Variants in PARD3B observed in about 807,000 individuals in gnomAD.
The protein encoded by PARD3B is partitioning defective 3 homolog B.
In PARD3B, 103 loss-of-function variants were observed where a neutral mutation model predicts 130.2. The ratio of observed to expected loss-of-function variants is 0.79; its 90% CI spans 0.67 to 0.93. PARD3B has a LOEUF of 0.93. PARD3B is among the 40% of genes least tolerant of loss of function. The pLI, the probability that PARD3B is intolerant of heterozygous loss-of-function variation, is 0.00. For missense variants in PARD3B, 1,609 were observed against 1,499.2 expected (o/e 1.07, Z -1.21); for synonymous variants, 583 against 553.2 (o/e 1.05, Z -0.76).
chr2:204,787,500 T>C (rs1351714700), intron 2 of PARD3B, among the ~76,000 whole-genome samples: 1 of 152,172 alleles, frequency 6.6e-6, no homozygotes, highest in East Asian at 1.9e-4. Flanking sequence ...ACTCAGAGTT[T>C]TATCTAGTCA....
intron 18 of PARD3B, among the ~76,000 whole-genome samples, chr2:205,319,892 A>G (rs1223826043): frequency 1.3e-5 from 2 of 151,966 alleles, no homozygotes; most frequent in Non-Finnish European, 2.9e-5. Context: ...TATTTTGAAA[A>G]ACTCGGCCGG....
intron 2 of PARD3B, among the ~76,000 whole-genome samples, chr2:204,721,550 A>T (rs2038998184): frequency 6.6e-6 from 1 of 152,312 alleles, no homozygotes; most frequent in Non-Finnish European, 1.5e-5. Flanking sequence ...GATATAGATT[A>T]AGAGCCATTT....
At chr2:204,634,783 C>A (rs534026931) in intron 1 of PARD3B, among the ~76,000 whole-genome samples, 1 of 151,980 alleles carries the variant, frequency 6.6e-6, no homozygotes, top group Non-Finnish European at 1.5e-5. Context: ...TTTTCCCCTG[C>A]GATATTAGTG....
intron 3 of PARD3B, among the ~76,000 whole-genome samples, chr2:205,023,432 A>C (rs1037236358): frequency 1.4e-5 from 2 of 145,214 alleles, no homozygotes; most frequent in Admixed American, 6.9e-5. Context: ...CTGGGTTTGC[A>C]TCTTTCTTCA....
At chr2:204,827,036 T>C (rs1227345066) in intron 2 of PARD3B, among the ~76,000 whole-genome samples, 1 of 152,186 alleles carries the variant, frequency 6.6e-6, no homozygotes, top group Non-Finnish European at 1.5e-5. Context: ...AAAAAATCTA[T>C]ATTCTCATAG....
chr2:204,698,742 T>C (rs542316959), intron 2 of PARD3B, among the ~76,000 whole-genome samples: 1 of 152,196 alleles, frequency 6.6e-6, no homozygotes, highest in South Asian at 2.1e-4. Flanking sequence ...AGTGGTTACG[T>C]CAATGCGTGG....
intron 3 of PARD3B, among the ~76,000 whole-genome samples, chr2:205,035,813 A>G (rs1365770688): frequency 6.1e-5 from 1 of 16,520 alleles, no homozygotes; most frequent in Non-Finnish European, 1.1e-4. Context: ...ATATATATAT[A>G]TATATATCTA....
intron 3 of PARD3B, among the ~76,000 whole-genome samples, chr2:204,992,358 TCTCAGGTTTG>T (rs1363186673): frequency 7.6e-6 from 1 of 131,336 alleles, no homozygotes; most frequent in East Asian, 2.1e-4. Context: ...TGCTTGTTTT[TCTCAGGTTTG>T]TCAAAGATCA....
intron 2 of PARD3B, among the ~76,000 whole-genome samples, chr2:204,713,660 T>C (rs778337006): frequency 1.3e-5 from 2 of 152,172 alleles, no homozygotes; most frequent in Non-Finnish European, 2.9e-5. Context: ...TTATATGATG[T>C]TCACCTTTGT....
At chr2:205,559,269 A>G (rs1000523040) in intron 22 of PARD3B, among the ~76,000 whole-genome samples, 2 of 152,038 alleles carry the variant, frequency 1.3e-5, no homozygotes, top group Non-Finnish European at 2.9e-5. Context: ...CTCAGCCTCC[A>G]GAGTAGCTGG....
Position 204,782,961 on chromosome 2 carries a change from T to C in PARD3B, c.222+96679T>C, listed in dbSNP as rs545628741. Reference sequence around the variant, plus strand: ...TGGGTCTTCCAGATCTATTATTCTTTATCACTTTCAAAAGAGTGCTTATTC... The same window carrying C: ...TGGGTCTTCCAGATCTATTATTCTTCATCACTTTCAAAAGAGTGCTTATTC... On this transcript the variant is annotated intron_variant, in intron 2 of 22. Coordinates refer to ENST00000406610, the MANE Select transcript of PARD3B (RefSeq NM_001302769.2). 6.6e-5 allele frequency among the ~76,000 whole-genome samples: 10 copies of C among 152,244 alleles called. 1 individual carries two copies. In the South Asian group the frequency reaches 2.1e-3, roughly 32 times the overall value.
Position 205,258,260 on chromosome 2 carries a change from C to G in PARD3B, c.2185+12438C>G, listed in dbSNP as rs2040172409. Among the ~76,000 whole-genome samples the G allele has an allele frequency of 6.6e-6, 1 of 152,156 alleles. No homozygotes were observed. Among genetic ancestry groups the G allele is most frequent in the Non-Finnish European group, 1.5e-5 (1 of 68,024 alleles). On this transcript the variant is annotated intron_variant, in intron 16 of 22. Coordinates refer to ENST00000406610, the MANE Select transcript of PARD3B (RefSeq NM_001302769.2). This position sits in a 1 kb window ranked among gnomAD's most constrained non-coding sequence, Gnocchi z 4.9. The stretch of plus-strand genomic sequence containing the variant: ...CCCAAAGCCTCACTTTCCACCCTTT[C>G]CCGAGCCACCGTCACCTGGAGAGCT...
intron 15 of PARD3B, among the ~76,000 whole-genome samples, chr2:205,195,795 C>T (rs2036650005): frequency 1.3e-5 from 2 of 150,800 alleles, no homozygotes; most frequent in African/African-American, 4.9e-5. Context: ...CTATTTTTGA[C>T]CTGGAAAACC....
intron 21 of PARD3B, among the ~76,000 whole-genome samples, chr2:205,535,259 C>T (rs1446623412): frequency 6.6e-6 from 1 of 152,196 alleles, no homozygotes; most frequent in Non-Finnish European, 1.5e-5. Context: ...TTAACACACA[C>T]TCCGTCCTTG....
At chr2:204,653,941 A>G (rs1049989422) in intron 1 of PARD3B, among the ~76,000 whole-genome samples, 4 of 151,216 alleles carry the variant, frequency 2.6e-5, no homozygotes, top group Admixed American at 6.6e-5. Flanking sequence ...CCCAGATACA[A>G]ATGTACATTT....
intron 4 of PARD3B, among the ~76,000 whole-genome samples, chr2:205,075,490 C>G (rs1323976996): frequency 6.6e-6 from 1 of 151,640 alleles, no homozygotes; most frequent in Non-Finnish European, 1.5e-5. Context: ...AAGGAAAATC[C>G]AAGATCATAT....
At chr2:205,580,406 A>T (rs1191496595) in intron 22 of PARD3B, among the ~76,000 whole-genome samples, 1 of 152,120 alleles carries the variant, frequency 6.6e-6, no homozygotes, top group Non-Finnish European at 1.5e-5. Context: ...CTTCCTTGAC[A>T]TCGGTAATAA....
chr2:205,435,138 C>G (rs926229739), intron 19 of PARD3B, among the ~76,000 whole-genome samples: 2 of 152,010 alleles, frequency 1.3e-5, no homozygotes, highest in African/African-American at 4.8e-5. Flanking sequence ...AAGGCTACCT[C>G]TAATTCCACT....
chr2:205,374,324 T>C (rs12463522), intron 18 of PARD3B, among the ~76,000 whole-genome samples: 2,494 of 152,178 alleles, frequency 0.016, 241 homozygotes, highest in Admixed American at 0.14. Context: ...GCAACCTCTG[T>C]CTCTTGGGTC....
Sources: gnomAD v4.1 joint callset for allele counts (sites outside exome capture counted in the v4.1 genomes callset) on GRCh38, gnomAD v4.1.1 for gene constraint, Gnocchi (gnomAD v3.1) non-coding constraint, MANE v1.5 for transcripts, NCBI Gene and HGNC (gene_info 2026-07-23, HGNC 2026-07-21) for gene names.